UGGT1: variants seen among roughly 807,000 people sequenced by gnomAD.
The protein encoded by UGGT1 is UDP-glucose glycoprotein glucosyltransferase 1.
In UGGT1, 107 loss-of-function variants were observed where a neutral mutation model predicts 203.9. The observed-to-expected ratio is 0.52, with a 90% confidence interval of 0.45 to 0.62. UGGT1 has a LOEUF of 0.62. Ranked by LOEUF, UGGT1 falls within the 20% of genes least tolerant of loss-of-function variation. The probability of loss-of-function intolerance (pLI) is 0.00; values close to 1 mark genes in which losing one functional copy is unlikely to be tolerated. For missense variants in UGGT1, 1,673 were observed against 1,867.2 expected, an observed-to-expected ratio of 0.90 and a Z score of 1.92; for synonymous variants, 628 against 653.5, an observed-to-expected ratio of 0.96 and a Z score of 0.59.
At chr2:128,158,468 G>A (rs923481243) in intron 22 of UGGT1, among the ~76,000 whole-genome samples, 3 of 152,186 alleles carry the variant, frequency 2.0e-5, no homozygotes, top group African/African-American at 7.2e-5. Context: ...GGAATGTTAT[G>A]CAATTTCATT....
intron 25 of UGGT1, among the ~76,000 whole-genome samples, chr2:128,163,862 A>G (rs149019781): frequency 2.1e-4 from 32 of 152,264 alleles, no homozygotes; most frequent in African/African-American, 7.7e-4. Flanking sequence ...GTATCCATAA[A>G]TGTAACATTA....
In UGGT1 at chr2:128,161,154, A is replaced by AG; in HGVS notation, c.2713dup (p.Asp905GlyfsTer2). The AG allele has an allele frequency of 6.2e-7, 1 of 1,613,960 alleles. No individual in the cohort carries two copies. Among genetic ancestry groups the AG allele is most frequent in the Non-Finnish European group, 8.5e-7 (1 of 1,179,960 alleles). ...CCTTCACAGATCATTGGGCCACTGG[A>AG]GGATAGTGAGCTCTTTAATCAAGAC... On this transcript the variant is annotated frameshift_variant, in exon 25 of 41. Transcript: ENST00000259253. LOFTEE classifies it high-confidence loss of function.
rs1164806199 is a variant in UGGT1 at position 128,126,123 on chromosome 2, T to C, written c.1135-1238T>C. On this transcript the variant is annotated intron_variant, in intron 11 of 40. Coordinates refer to ENST00000259253, the MANE Select transcript of UGGT1 (RefSeq NM_020120.4). ...CGCCCAGCTAATTTTTTTATATTTT[T>C]AGTAGAGACGGGGTTTCACCATGTT... 4.0e-5 allele frequency among the ~76,000 whole-genome samples: 6 copies of C among 151,572 alleles called. No homozygotes were observed. In the East Asian group the frequency reaches 1.2e-3, roughly 30 times the overall value.
intron 26 of UGGT1, among the ~76,000 whole-genome samples, chr2:128,166,630 C>T (rs1690803038): frequency 6.6e-6 from 1 of 151,922 alleles, no homozygotes; most frequent in Non-Finnish European, 1.5e-5. Flanking sequence ...AGTCTTTTGT[C>T]TTTTATGATG....
chr2:128,118,153 A>T (rs771962427), intron 8 of UGGT1, among the ~76,000 whole-genome samples: 2 of 152,172 alleles, frequency 1.3e-5, no homozygotes, highest in Non-Finnish European at 2.9e-5. Flanking sequence ...ATTGAATTAC[A>T]TGTTGAGTTC....
Position 128,134,882 on chromosome 2 carries a change from A to C in UGGT1, c.1504A>C (p.Ile502Leu). The stretch of plus-strand genomic sequence containing the variant: ...TTTTCCCTTTCTTCAACAGGTTTTC[A>C]TAGTTGATCCTGCACATGAGACCAC... ...IRKNLHNMVF[I>L]VDPAHETTAE... The change falls in exon 15 of 41, where the codon ATA (isoleucine) becomes CTA (leucine). Residue 502 changes from isoleucine to leucine, a missense_variant. Ile to Leu is a conservative substitution (Grantham distance 5). This residue lies in a region of UGGT1 where 1,073 missense variants were observed against 1,078.7 expected (regional missense o/e 0.99). Transcript: ENST00000259253. 1 of 1,613,698 alleles carries C rather than the reference A, an allele frequency of 6.2e-7. No homozygotes were observed. The highest frequency in any genetic ancestry group is 8.5e-7 in the Non-Finnish European group (1 of 1,179,810).
intron 37 of UGGT1, 111 bp from the exon 38 acceptor site, chr2:128,183,564 T>C (rs1691817771): frequency 4.0e-6 from 3 of 747,342 alleles, no homozygotes; most frequent in Non-Finnish European, 6.8e-6. Context: ...AGCATACCTT[T>C]TCAAAGAAAA....
chr2:128,127,252 G>T, intron 11 of UGGT1, 109 bp from the exon 12 acceptor site: 1 of 715,134 alleles, frequency 1.4e-6, no homozygotes, highest in Non-Finnish European at 2.4e-6. Context: ...GCAAATCTTA[G>T]CCCTGCCTTA....
intron 23 of UGGT1, 97 bp from the exon 24 acceptor site, chr2:128,160,363 A>G (rs974749750): frequency 7.5e-7 from 1 of 1,327,292 alleles, no homozygotes; most frequent in Non-Finnish European, 1.0e-6. Flanking sequence ...ATTACTTTCC[A>G]GGGAAAGAAA....
At chr2:128,124,570 C>T (rs539952794) in intron 11 of UGGT1, among the ~76,000 whole-genome samples, 2 of 151,528 alleles carry the variant, frequency 1.3e-5, no homozygotes, top group Non-Finnish European at 2.9e-5. Flanking sequence ...TGTTTCTTCT[C>T]TCTGGTTTCT....
At chr2:128,142,856 G>T (rs965621854) in intron 16 of UGGT1, among the ~76,000 whole-genome samples, 10 of 151,416 alleles carry the variant, frequency 6.6e-5, no homozygotes, top group African/African-American at 2.4e-4. Flanking sequence ...GGTGGCAGGT[G>T]TCTAATCCCA....
intron 19 of UGGT1, 78 bp downstream of exon 19, chr2:128,152,982 A>G: frequency 6.3e-7 from 1 of 1,592,450 alleles, no homozygotes; most frequent in Non-Finnish European, 8.5e-7. Flanking sequence ...AGATTTTAAT[A>G]TTCTGATTAT....
intron 15 of UGGT1, among the ~76,000 whole-genome samples, chr2:128,135,437 A>G (rs970828309): frequency 3.9e-5 from 6 of 152,292 alleles, no homozygotes; most frequent in African/African-American, 1.4e-4. Context: ...TTTTAAGAAC[A>G]GTTTTTTTTA....
At chr2:128,110,389 C>G (rs919136674) in intron 5 of UGGT1, among the ~76,000 whole-genome samples, 1 of 151,920 alleles carries the variant, frequency 6.6e-6, no homozygotes, top group African/African-American at 2.4e-5. Flanking sequence ...TGTAGGTCTT[C>G]TTTAGTGAGA....
In UGGT1 at chr2:128,143,186, C is replaced by T. The variant is rs966667939; in HGVS notation, c.1812C>T (p.Ser604=). ...AATATCCGTATGTAGAAGTGAATAG[C>T]ATTTTGGGGATTGATTCTGCTTATG... ...EKKYPYVEVN[S]ILGIDSAYDR... Residue 604 remains serine (S), a synonymous_variant, in exon 17 of 41, where the codon AGC becomes AGT. Transcript: ENST00000259253. 4 of 1,613,152 alleles carry T rather than the reference C, an allele frequency of 2.5e-6. No individual in the cohort carries two copies. The African/African-American group carries it at 5.3e-5, about 22-fold the overall frequency.
intron 26 of UGGT1, 31 bp from the exon 27 acceptor site, chr2:128,170,257 A>G (rs1691026194): frequency 6.3e-7 from 1 of 1,599,584 alleles, no homozygotes; most frequent in African/African-American, 1.3e-5. Flanking sequence ...TGTGTCCTCC[A>G]GGTTAATGTT....
At chr2:128,141,902 G>A (rs1689449129) in intron 16 of UGGT1, among the ~76,000 whole-genome samples, 1 of 151,506 alleles carries the variant, frequency 6.6e-6, no homozygotes, top group Admixed American at 6.6e-5. Context: ...CCTAAACATC[G>A]TGGATGTAGT....
intron 3 of UGGT1, among the ~76,000 whole-genome samples, chr2:128,105,027 T>C (rs1687538299): frequency 6.6e-6 from 1 of 151,492 alleles, no homozygotes; most frequent in Admixed American, 6.6e-5. Context: ...TTTTTTTTCT[T>C]CTTTTAAAAT....
chr2:128,167,054 C>T (rs1690832016), intron 26 of UGGT1, among the ~76,000 whole-genome samples: 1 of 152,142 alleles, frequency 6.6e-6, no homozygotes, highest in Non-Finnish European at 1.5e-5. Context: ...CTTATGGCTC[C>T]TGGATAATCC....
Sources: allele counts gnomAD v4.1 joint callset (sites outside exome capture counted in the v4.1 genomes callset), GRCh38; gene constraint gnomAD v4.1.1; regional missense constraint gnomAD v4.1.1; transcripts MANE v1.5; gene names NCBI Gene and HGNC (gene_info 2026-07-23, HGNC 2026-07-21).